Variants in ZNF556 observed in about 807,000 individuals in gnomAD.
The protein encoded by ZNF556 is zinc finger protein 556.
ZNF556 carries 11 observed loss-of-function variants against 13.6 expected under a neutral mutation model. The observed-to-expected ratio is 0.81, with a 90% confidence interval of 0.51 to 1.33. ZNF556 has a LOEUF of 1.33. Ranked by LOEUF, ZNF556 falls within the 40% of genes most tolerant of loss-of-function variation. The probability of loss-of-function intolerance (pLI) is 0.00; values close to 1 mark genes in which losing one functional copy is unlikely to be tolerated. For synonymous variants in ZNF556, 229 were observed against 207.8 expected, an observed-to-expected ratio of 1.10 and a Z score of -0.88; for missense variants, 633 against 566.2, an observed-to-expected ratio of 1.12 and a Z score of -1.20.
At position 2,877,861 on chromosome 19, in the gene ZNF556, C is replaced by G; in HGVS notation, c.903C>G (p.Ser301=). The change falls in exon 4 of 4, where the codon TCC becomes TCG. Residue 301 remains serine (S), a synonymous_variant. Transcript: ENST00000307635. ...QCGKAYCWAT[S]FQRHVRIHNG... is the part of the protein sequence containing the mutation. ...GGAAAGCCTACTGCTGGGCAACATC[C>G]TTTCAACGACACGTGAGAATTCACA... 1 of 1,614,192 alleles carries G rather than the reference C, an allele frequency of 6.2e-7. No individual in the cohort carries two copies. The highest frequency in any genetic ancestry group is 8.5e-7 in the Non-Finnish European group (1 of 1,180,050).
At chr19:2,870,740 C>A (rs1370017871) in intron 1 of ZNF556, among the ~76,000 whole-genome samples, 1 of 139,702 alleles carries the variant, frequency 7.2e-6, no homozygotes, top group African/African-American at 2.7e-5. Context: ...GAGTGAGACT[C>A]CATCTCAAAA....
At chr19:2,870,746 CAA>C (rs1166819886) in intron 1 of ZNF556, among the ~76,000 whole-genome samples, 1 of 78,856 alleles carries the variant, frequency 1.3e-5, no homozygotes. Flanking sequence ...GACTCCATCT[CAA>C]AAAAAAAAAG....
chr19:2,872,264 C>T (rs150766149), intron 1 of ZNF556, among the ~76,000 whole-genome samples: 1,756 of 152,106 alleles, frequency 0.012, 20 homozygotes, highest in Non-Finnish European at 0.019. Flanking sequence ...TCCTGGTCTG[C>T]TAAGTAGCGG....
At chr19:2,867,484 G>A (rs752997951) in intron 1 of ZNF556, 60 bp downstream of exon 1, 29 of 1,563,862 alleles carry the variant, frequency 1.9e-5, no homozygotes, top group East Asian at 1.2e-4. Context: ...GGTTGGAAGC[G>A]GCCAGAACAC....
rs764533690 is a variant in ZNF556, at chr19:2,878,100, G to C, written c.1142G>C (p.Trp381Ser). ...KCETCGKTYG[W>S]SSSLHKHERK... ...GAAACGTGTGGGAAAACGTATGGTTGGTCCTCATCTTTACACAAACATGAG... is the reference window on the plus strand; with the variant it reads ...GAAACGTGTGGGAAAACGTATGGTTCGTCCTCATCTTTACACAAACATGAG... The change falls in exon 4 of 4, where the codon TGG becomes TCG. Residue 381 changes from tryptophan to serine, a missense_variant. Trp to Ser is a radical substitution (Grantham distance 177). Transcript: ENST00000307635. 11 of 1,614,016 alleles carry C rather than the reference G, an allele frequency of 6.8e-6. No homozygotes were observed. Among genetic ancestry groups the C allele is most frequent in the African/African-American group, 1.3e-5 (1 of 74,910 alleles).
intron 3 of ZNF556, among the ~76,000 whole-genome samples, chr19:2,876,706 T>A (rs2087855426): frequency 6.7e-6 from 1 of 149,664 alleles, no homozygotes; most frequent in African/African-American, 2.5e-5. Context: ...GGCAACAGAG[T>A]GAGACTCTAT....
rs1555726465 is a variant in ZNF556 at position 2,878,069 on chromosome 19, A to G, written c.1111A>G (p.Lys371Glu). The change falls in exon 4 of 4, where the codon AAA (lysine) becomes GAA (glutamate). Residue 371 changes from lysine to glutamate, a missense_variant. Lys to Glu is a moderately conservative substitution (Grantham distance 56). Transcript: ENST00000307635. ...ATCACAAACTAGAGAGAAAGTCTATAAATGTGAAACGTGTGGGAAAACGTA... is the reference window on the plus strand; with the variant it reads ...ATCACAAACTAGAGAGAAAGTCTATGAATGTGAAACGTGTGGGAAAACGTA... ...VKSQTREKVYKCETCGKTYGW... is the reference protein window; with the variant it reads ...VKSQTREKVYECETCGKTYGW... 1 of 1,614,206 alleles carries G rather than the reference A, an allele frequency of 6.2e-7. No homozygotes were observed. The highest frequency in any genetic ancestry group is 1.1e-5 in the South Asian group (1 of 91,086).
In ZNF556 at chr19:2,878,044, A is replaced by C; in HGVS notation, c.1086A>C (p.Lys362Asn). 6.2e-7 allele frequency: 1 copy of C among 1,614,196 alleles called. No individual in the cohort carries two copies. The highest frequency in any genetic ancestry group is 1.7e-5 in the Admixed American group (1 of 60,012). The change falls in exon 4 of 4, where the codon AAA becomes AAC. Residue 362 changes from lysine to asparagine, a missense_variant. By Grantham distance (94) the Lys-to-Asn change is moderately conservative (BLOSUM62 0). Transcript: ENST00000307635. ...SARPRPSTDV[K>N]SQTREKVYKC... is the part of the protein sequence containing the mutation. ...GGCCTCGCCCCTCCACAGATGTCAA[A>C]TCACAAACTAGAGAGAAAGTCTATA...
chr19:2,872,126 C>T (rs1254708137), intron 1 of ZNF556, among the ~76,000 whole-genome samples: 1 of 152,178 alleles, frequency 6.6e-6, no homozygotes, highest in African/African-American at 2.4e-5. Flanking sequence ...CACTGAAGCA[C>T]AGTATCACAG....
At chr19:2,867,535 C>A in intron 1 of ZNF556, 111 bp downstream of exon 1, 1 of 1,475,916 alleles carries the variant, frequency 6.8e-7, no homozygotes, top group Non-Finnish European at 9.2e-7. Flanking sequence ...CCCCATGCAG[C>A]CTCTGTCCCT....
rs776117167 is a variant in ZNF556, at chr19:2,876,111, A to C, written c.149A>C (p.Lys50Thr). ...LASVDNEAQLKASGSISQQDT... is the reference protein window; with the variant it reads ...LASVDNEAQLTASGSISQQDT... ...GTTTCAGATAATGAGGCTCAGCTTA[A>C]AGCCAGTGGGTCTATTTCTCAGCAG... Residue 50 changes from lysine to threonine, a missense_variant, in exon 3 of 4, where the codon AAA becomes ACA. Coordinates refer to ENST00000307635, the MANE Select transcript of ZNF556 (RefSeq NM_024967.3). The C allele has an allele frequency of 1.2e-6, 2 of 1,609,558 alleles. No individual in the cohort carries two copies. The highest frequency in any genetic ancestry group is 2.2e-5 in the South Asian group (2 of 89,496).
intron 1 of ZNF556, among the ~76,000 whole-genome samples, chr19:2,871,360 A>G (rs1250977549): frequency 6.6e-6 from 1 of 152,194 alleles, no homozygotes; most frequent in Non-Finnish European, 1.5e-5. Context: ...CCAGATTCCT[A>G]GAGGAAGAGA....
rs751492016 is a variant in ZNF556, at chr19:2,877,752, G to T, written c.794G>T (p.Gly265Val). 1.9e-6 allele frequency: 3 copies of T among 1,613,334 alleles called. No individual in the cohort carries two copies. Among genetic ancestry groups the T allele is most frequent in the Non-Finnish European group, 2.5e-6 (3 of 1,179,676 alleles). The change falls in exon 4 of 4, where the codon GGG (glycine) becomes GTG (valine). Residue 265 changes from glycine (G) to valine (V), a missense_variant. Coordinates refer to ENST00000307635, the MANE Select transcript of ZNF556 (RefSeq NM_024967.3). ...AGACCGTATGAGTGCAAGCACTGTG[G>T]GAAAGCCTTCAGGTGTCAGAAATCC... ...GGRPYECKHC[G>V]KAFRCQKSFR... is the part of the protein sequence containing the mutation.
chr19:2,874,743 CAA>C (rs1165214161), intron 2 of ZNF556, among the ~76,000 whole-genome samples: 3 of 65,488 alleles, frequency 4.6e-5, no homozygotes, highest in Admixed American at 1.7e-4. Flanking sequence ...GACTCTGTCT[CAA>C]AAAAAAAAAA....
In ZNF556 at chr19:2,878,150, G is replaced by A. The variant is rs575934234; in HGVS notation, c.1192G>A (p.Val398Ile). Reference sequence around the variant, plus strand: ...GAGAAAGCACACTGGGGAGAAACCTGTAAATGCAGCCAGTGTGGGAAAACC... The same window carrying A: ...GAGAAAGCACACTGGGGAGAAACCTATAAATGCAGCCAGTGTGGGAAAACC... Reference protein sequence around the residue: ...HERKHTGEKPVNAASVGKPSG... With the variant: ...HERKHTGEKPINAASVGKPSG... Residue 398 changes from valine to isoleucine, a missense_variant, in exon 4 of 4, where the codon GTA becomes ATA. Coordinates refer to ENST00000307635, the MANE Select transcript of ZNF556 (RefSeq NM_024967.3). The A allele has an allele frequency of 9.3e-6, 15 of 1,614,118 alleles. No individual in the cohort carries two copies. The highest frequency in any genetic ancestry group is 3.3e-4 in the Middle Eastern group (2 of 6,062).
Position 2,877,958 on chromosome 19 carries a change from G to A in ZNF556, c.1000G>A (p.Ala334Thr), listed in dbSNP as rs202052777. Residue 334 changes from alanine (A) to threonine (T), a missense_variant, in exon 4 of 4, where the codon GCG becomes ACG. Coordinates refer to ENST00000307635, the MANE Select transcript of ZNF556 (RefSeq NM_024967.3). ...FGWPSSLHKHARTHAKKKPVS... is the reference protein window; with the variant it reads ...FGWPSSLHKHTRTHAKKKPVS... ...TTGGCCCTCATCCTTACACAAACAC[G>A]CGAGAACGCATGCTAAAAAGAAACC... 1.7e-4 allele frequency: 276 copies of A among 1,614,028 alleles called. 1 individual carries two copies. The highest frequency in any genetic ancestry group is 1.2e-3 in the Middle Eastern group (7 of 6,084).
rs1207395434 is a variant in ZNF556, at chr19:2,881,066, C to T, written c.*2737C>T. On this transcript the variant is annotated 3_prime_UTR_variant, in exon 4 of 4. Transcript: ENST00000307635. ...TATTTTTAGTAGAGACGGGGTTTCA[C>T]TATGCTGGCCAGGCTGGTCTCGATC... 6.6e-6 allele frequency: 1 copy of T among 151,800 alleles called. No individual in the cohort carries two copies. The highest frequency in any genetic ancestry group is 1.5e-5 in the Non-Finnish European group (1 of 68,034). The allele number at this position is 151,800 out of a possible 1,614,324, so 9.4% of individuals were successfully genotyped here. A position where few individuals can be genotyped will look rare whatever the true frequency, so the allele number is the denominator to read the frequency against.
intron 2 of ZNF556, among the ~76,000 whole-genome samples, chr19:2,873,980 G>C (rs1274240257): frequency 1.3e-5 from 2 of 152,018 alleles, no homozygotes; most frequent in Non-Finnish European, 2.9e-5. Context: ...AAAAGAGCCA[G>C]GCACGGTGGC....
At position 2,880,337 on chromosome 19, in the gene ZNF556, A is replaced by G. The variant is rs889148106; in HGVS notation, c.*2008A>G. The G allele has an allele frequency of 3.3e-5, 5 of 152,226 alleles. No individual in the cohort carries two copies. The highest frequency in any genetic ancestry group is 3.3e-4 in the Admixed American group (5 of 15,258). 9.4% of individuals were successfully genotyped at this position (152,226 alleles called of 1,614,324 possible). A position where few individuals can be genotyped will look rare whatever the true frequency, so the allele number is the denominator to read the frequency against. On this transcript the variant is annotated 3_prime_UTR_variant, in exon 4 of 4. Coordinates refer to ENST00000307635, the MANE Select transcript of ZNF556 (RefSeq NM_024967.3). ...GTTGGATTCTATACAAATGGATAAA[A>G]TGTTTCTTAGAAATAGCCTATTTAA... is the stretch of plus-strand genomic sequence containing the variant.
Sources: allele counts gnomAD v4.1 joint callset (sites outside exome capture counted in the v4.1 genomes callset), GRCh38; gene constraint gnomAD v4.1.1; transcripts MANE v1.5; gene names NCBI Gene and HGNC (gene_info 2026-07-23, HGNC 2026-07-21).